Variants in NALCN observed in about 807,000 individuals in gnomAD.
NALCN encodes the protein sodium leak channel NALCN.
NALCN carries 111 observed loss-of-function variants against 225.3 expected under a neutral mutation model. The observed-to-expected ratio is 0.49, with a 90% CI of 0.42 to 0.58. The LOEUF (loss-of-function observed/expected upper bound fraction) is 0.58. Ranked by LOEUF, NALCN falls within the 20% of genes least tolerant of loss-of-function variation. NALCN has a pLI of 0.00. For synonymous variants in NALCN, 764 were observed against 769.0 expected (o/e 0.99, Z 0.11); for missense variants, 1,378 against 2,202.4 (o/e 0.63, Z 7.49).
chr13:101,239,941 T>C (rs184156568), intron 11 of NALCN, among the ~76,000 whole-genome samples: 2 of 152,234 alleles, frequency 1.3e-5, no homozygotes, highest in East Asian at 3.9e-4. Flanking sequence ...TATATGTTTA[T>C]TAATCACTTT....
chr13:101,195,372 A>C (rs566542627), intron 13 of NALCN, among the ~76,000 whole-genome samples: 2 of 152,286 alleles, frequency 1.3e-5, no homozygotes, highest in East Asian at 3.9e-4. Context: ...TATTTTTGCA[A>C]AGATCAGTTT....
intron 15 of NALCN, among the ~76,000 whole-genome samples, chr13:101,161,928 A>T (rs2038205181): frequency 6.6e-6 from 1 of 152,100 alleles, no homozygotes; most frequent in Admixed American, 6.6e-5. Flanking sequence ...TTCTCAAGGC[A>T]CTGCATGGTT....
chr13:101,231,943 C>A (rs541907381), intron 12 of NALCN, among the ~76,000 whole-genome samples: 141 of 151,864 alleles, frequency 9.3e-4, no homozygotes, highest in African/African-American at 3.2e-3. Context: ...TCACAGTCAT[C>A]TGAGTCATCC....
chr13:101,124,523 CA>C (rs1374563442), intron 18 of NALCN, 84 bp downstream of exon 18: 3 of 1,167,258 alleles, frequency 2.6e-6, no homozygotes. Context: ...ATGCCCAGAA[CA>C]TTAATTCATT....
At chr13:101,140,410 C>T (rs1258005248) in intron 17 of NALCN, among the ~76,000 whole-genome samples, 2 of 152,124 alleles carry the variant, frequency 1.3e-5, no homozygotes, top group Non-Finnish European at 2.9e-5. Context: ...AGAAAATAAA[C>T]TCATATTTCA....
intron 6 of NALCN, among the ~76,000 whole-genome samples, chr13:101,350,268 T>C (rs911635292): frequency 1.7e-4 from 26 of 152,150 alleles, no homozygotes; most frequent in Non-Finnish European, 3.5e-4. Flanking sequence ...TGTACCCCCT[T>C]TCCCCCAAGT....
intron 3 of NALCN, among the ~76,000 whole-genome samples, chr13:101,393,682 C>CA (rs2047206538): frequency 6.6e-6 from 1 of 152,140 alleles, no homozygotes; most frequent in Non-Finnish European, 1.5e-5. Flanking sequence ...TGGCTTATGC[C>CA]TGTAATCCCA....
intron 17 of NALCN, among the ~76,000 whole-genome samples, chr13:101,134,349 C>G (rs184750988): frequency 6.6e-6 from 1 of 152,284 alleles, no homozygotes; most frequent in East Asian, 1.9e-4. Flanking sequence ...CTCCTAGGCA[C>G]CCAGCACAAG....
intron 13 of NALCN, among the ~76,000 whole-genome samples, chr13:101,223,485 T>C (rs1161182411): frequency 1.3e-5 from 2 of 152,108 alleles, no homozygotes; most frequent in Admixed American, 1.3e-4. Context: ...ATAACAGAAA[T>C]CATCCCCAGG....
intron 13 of NALCN, among the ~76,000 whole-genome samples, chr13:101,213,681 A>G (rs2040613151): frequency 6.6e-6 from 1 of 152,226 alleles, no homozygotes; most frequent in South Asian, 2.1e-4. Context: ...CAGCCAAAAG[A>G]CACATGAAAA....
At chr13:101,334,370 A>G (rs60081446) in intron 7 of NALCN, among the ~76,000 whole-genome samples, 45,530 of 130,994 alleles carry the variant, frequency 0.35, 9,313 homozygotes, top group African/African-American at 0.55. Context: ...GGGTAGGGGG[A>G]GCGGTAGGAG....
At chr13:101,102,478 T>TA (rs1325969695) in intron 26 of NALCN, among the ~76,000 whole-genome samples, 1 of 151,914 alleles carries the variant, frequency 6.6e-6, no homozygotes, top group Non-Finnish European at 1.5e-5. Context: ...TCATCAATAA[T>TA]AAAAAAAACT....
intron 13 of NALCN, among the ~76,000 whole-genome samples, chr13:101,198,334 T>C (rs193017454): frequency 9.2e-5 from 14 of 152,272 alleles, no homozygotes; most frequent in African/African-American, 3.4e-4. Context: ...CAAAAGAAAC[T>C]ACCATCAGAG....
chr13:101,398,933 A>T, intron 2 of NALCN, 86 bp downstream of exon 2: 1 of 841,232 alleles, frequency 1.2e-6, no homozygotes, highest in Non-Finnish European at 2.0e-6. Flanking sequence ...GATATTTCGA[A>T]GCCAAAGGTA....
At chr13:101,316,286 C>T (rs1442879108) in intron 7 of NALCN, among the ~76,000 whole-genome samples, 1 of 152,064 alleles carries the variant, frequency 6.6e-6, no homozygotes, top group Admixed American at 6.6e-5. Flanking sequence ...TGTACTAATC[C>T]CTCTCAGTTC....
At chr13:101,309,529 C>T (rs572776163) in intron 7 of NALCN, among the ~76,000 whole-genome samples, 2 of 152,282 alleles carry the variant, frequency 1.3e-5, no homozygotes, top group South Asian at 4.1e-4. Context: ...GCACATCAAC[C>T]ACCCCATATT....
chr13:101,396,118 T>A (rs1173652152), intron 2 of NALCN, among the ~76,000 whole-genome samples: 1 of 152,170 alleles, frequency 6.6e-6, no homozygotes, highest in Non-Finnish European at 1.5e-5. Flanking sequence ...TGTGCAACAC[T>A]ACAGGCATGT....
In NALCN at chr13:101,186,755, T is replaced by C. The variant is rs2039465380; in HGVS notation, c.1764+5162A>G. The stretch of plus-strand genomic sequence containing the variant: ...AACCTTGCAGTTTCTCATATAAATC[T>C]GAGAAAAATTGATTTGAGTTTTATT... On this transcript the variant is annotated intron_variant, in intron 14 of 43. Transcript: ENST00000251127. Among the ~76,000 whole-genome samples the C allele has an allele frequency of 2.0e-5, 3 of 152,272 alleles. No homozygotes were observed. The East Asian group carries it at 5.8e-4, about 29-fold the overall frequency.
intron 14 of NALCN, among the ~76,000 whole-genome samples, 156 bp downstream of exon 14, chr13:101,191,761 A>G (rs1462455698): frequency 6.6e-6 from 1 of 152,224 alleles, no homozygotes; most frequent in Non-Finnish European, 1.5e-5. Context: ...TTTGATGTGT[A>G]GAAACTTAGA....
Sources: gnomAD v4.1 joint callset for allele counts (sites outside exome capture counted in the v4.1 genomes callset) on GRCh38, gnomAD v4.1.1 for gene constraint, MANE v1.5 for transcripts, NCBI Gene and HGNC (gene_info 2026-07-23, HGNC 2026-07-21) for gene names.